Variants in OPA1 observed in about 807,000 individuals in gnomAD.
OPA1 encodes OPA1 mitochondrial dynamin like GTPase, also known as dynamin-like GTPase OPA1, mitochondrial.
Under a neutral mutation model 152.9 loss-of-function variants are expected in OPA1, and 59 were observed. The observed-to-expected ratio is 0.39, with a 90% CI of 0.31 to 0.48. OPA1 has a LOEUF of 0.48. Ranked by LOEUF, OPA1 falls within the 20% of genes least tolerant of loss-of-function variation. OPA1 has a pLI of 0.96. For missense variants in OPA1, 1,008 were observed against 1,216.8 expected (o/e 0.83, Z 2.55); for synonymous variants, 400 against 389.9 (o/e 1.03, Z -0.31).
At chr3:193,664,771 G>T in intron 26 of OPA1, 109 bp from the exon 27 acceptor site, 1 of 713,064 alleles carries the variant, frequency 1.4e-6, no homozygotes. Flanking sequence ...CCTTGCTTTT[G>T]CTTTTAATTA....
Position 193,593,367 on chromosome 3 carries a change from C to T in OPA1, c.-11C>T, listed in dbSNP as rs568049951. On this transcript the variant is annotated 5_prime_UTR_variant, in exon 1 of 31. Transcript: ENST00000361510. ...CCGTCTCGGCGCCTGCGTGACCTCC[C>T]CGCCGGCGGGATGTGGCGACTACGT... 2 of 1,546,146 alleles carry T rather than the reference C, an allele frequency of 1.3e-6. No individual in the cohort carries two copies. The highest frequency in any genetic ancestry group is 1.4e-5 in the African/African-American group (1 of 72,870).
In OPA1 at chr3:193,688,432, A is replaced by C. The variant is rs544612571; in HGVS notation, c.2984-3631A>C. Among the ~76,000 whole-genome samples the C allele has an allele frequency of 1.1e-3, 88 of 77,950 alleles. 1 individual carries two copies. Among genetic ancestry groups the C allele is most frequent in the African/African-American group, 3.4e-3 (84 of 24,924 alleles). 51.1% of individuals were successfully genotyped at this position (77,950 alleles called of 152,430 possible). ...GTAACTGTTTTGTTCCCTGATTTTT[A>C]CTGAAATGGGTCTTTTCTTTTTTTT... On this transcript the variant is annotated intron_variant, in intron 29 of 30. Coordinates refer to ENST00000361510, the MANE Select transcript of OPA1 (RefSeq NM_130837.3).
intron 11 of OPA1, among the ~76,000 whole-genome samples, chr3:193,639,967 C>T (rs1450193026): frequency 6.6e-6 from 1 of 152,088 alleles, no homozygotes; most frequent in Non-Finnish European, 1.5e-5. Flanking sequence ...TCAATGATGC[C>T]TCCAGGGTCT....
At chr3:193,689,846 C>T (rs1011470408) in intron 29 of OPA1, among the ~76,000 whole-genome samples, 12 of 152,114 alleles carry the variant, frequency 7.9e-5, no homozygotes, top group African/African-American at 2.9e-4. Context: ...AGAGAAGCAC[C>T]CGTTTGAGAT....
intron 8 of OPA1, among the ~76,000 whole-genome samples, chr3:193,633,744 G>T (rs1170278343): frequency 6.6e-6 from 1 of 151,980 alleles, no homozygotes; most frequent in Non-Finnish European, 1.5e-5. Flanking sequence ...TATGAATGAG[G>T]TATTTTACAC....
At chr3:193,658,246 C>CAA (rs10544016) in intron 23 of OPA1, among the ~76,000 whole-genome samples, 4 of 96,558 alleles carry the variant, frequency 4.1e-5, no homozygotes, top group Admixed American at 1.2e-4. Context: ...ACTCCGTTTT[C>CAA]AAAAAAAAAA....
intron 1 of OPA1, among the ~76,000 whole-genome samples, chr3:193,606,573 A>G (rs1199829944): frequency 2.2e-4 from 33 of 152,272 alleles, no homozygotes; most frequent in South Asian, 1.9e-3. Context: ...AGCTTCATCC[A>G]TGTCCCTACA....
rs775741716 is a variant in OPA1 at position 193,614,851 on chromosome 3, A to G, written c.161A>G (p.Gln54Arg). 6 of 1,614,100 alleles carry G rather than the reference A, an allele frequency of 3.7e-6. No individual in the cohort carries two copies. The highest frequency in any genetic ancestry group is 1.7e-6 in the Non-Finnish European group (2 of 1,179,908). ...HHPTLKLQRP[Q>R]LRTSFQQFSS... ...CCTACCTTAAAGCTTCAACGACCCC[A>G]ATTAAGGACATCCTTTCAGCAGTTC... Residue 54 changes from glutamine (Q) to arginine (R), a missense_variant, in exon 2 of 31, where the codon CAA becomes CGA. By Grantham distance (43) the Gln-to-Arg change is conservative. Around this residue, in one of 7 missense-constraint regions of OPA1, gnomAD observed 408 missense variants for 395.1 expected, o/e 1.03. Coordinates refer to ENST00000361510, the MANE Select transcript of OPA1 (RefSeq NM_130837.3).
intron 1 of OPA1, among the ~76,000 whole-genome samples, chr3:193,599,611 A>C (rs1390908959): frequency 6.7e-6 from 1 of 148,920 alleles, no homozygotes; most frequent in Non-Finnish European, 1.5e-5. Flanking sequence ...TGCTTCCCAC[A>C]CTCTTGCCCA....
At position 193,638,015 on chromosome 3, in the gene OPA1, C is replaced by G; in HGVS notation, c.1099C>G (p.Arg367Gly). Residue 367 changes from arginine to glycine, a missense_variant, in exon 11 of 31, where the codon CGA becomes GGA. Physicochemically the swap from Arg to Gly is moderately radical, Grantham distance 125. This residue lies in a region of OPA1 where 213 missense variants were observed against 291.4 expected (regional missense o/e 0.73). Coordinates refer to ENST00000361510, the MANE Select transcript of OPA1 (RefSeq NM_130837.3). ...TSVLEMIAQA[R>G]IFPRGSGEMM... ...TGTGTTGGAAATGATTGCCCAAGCTCGAATATTCCCAAGAGGATCTGGGGA... is the reference window on the plus strand; with the variant it reads ...TGTGTTGGAAATGATTGCCCAAGCTGGAATATTCCCAAGAGGATCTGGGGA... 1 of 1,614,048 alleles carries G rather than the reference C, an allele frequency of 6.2e-7. No individual in the cohort carries two copies. The highest frequency in any genetic ancestry group is 2.2e-5 in the East Asian group (1 of 44,882).
intron 29 of OPA1, among the ~76,000 whole-genome samples, chr3:193,675,313 T>C (rs1364620550): frequency 8.3e-6 from 1 of 119,960 alleles, no homozygotes; most frequent in East Asian, 2.3e-4. Context: ...TCAGAGGAGA[T>C]TTTTTTTTTT....
intron 29 of OPA1, 29 bp from the exon 30 acceptor site, chr3:193,692,034 A>G (rs1189314148): frequency 3.1e-6 from 4 of 1,289,104 alleles, no homozygotes; most frequent in Non-Finnish European, 4.4e-6. Context: ...TTGAAAAATA[A>G]ATGTTTTTCT....
intron 29 of OPA1, among the ~76,000 whole-genome samples, chr3:193,678,224 C>G (rs1336822466): frequency 6.6e-6 from 1 of 152,008 alleles, no homozygotes; most frequent in African/African-American, 2.4e-5. Context: ...TTAGTCTCTC[C>G]TTTTGTTGGC....
chr3:193,631,783 A>G (rs1732116231), intron 8 of OPA1, 118 bp downstream of exon 8: 1 of 813,646 alleles, frequency 1.2e-6, no homozygotes, highest in Non-Finnish European at 2.1e-6. Flanking sequence ...TAATGATAGA[A>G]CCTTATTATT....
At chr3:193,657,004 A>G (rs567997363) in intron 22 of OPA1, 76 bp from the exon 23 acceptor site, 4 of 1,285,758 alleles carry the variant, frequency 3.1e-6, no homozygotes, top group African/African-American at 1.5e-5. Flanking sequence ...GTTTGGCTTG[A>G]GCTCGTGTTA....
intron 1 of OPA1, among the ~76,000 whole-genome samples, chr3:193,600,823 T>C (rs528333609): frequency 6.6e-6 from 1 of 152,322 alleles, no homozygotes; most frequent in Admixed American, 6.5e-5. Context: ...GCAAACCAAC[T>C]GTTAGTTGCT....
chr3:193,692,276 C>T (rs992403836), intron 30 of OPA1, 144 bp downstream of exon 30: 36 of 634,590 alleles, frequency 5.7e-5, no homozygotes, highest in Non-Finnish European at 8.3e-5. Flanking sequence ...AACTAGCTTC[C>T]GAATTTCATT....
chr3:193,618,906 T>C lies in OPA1; in HGVS notation c.648T>C (p.Arg216=). 2 of 1,613,958 alleles carry C rather than the reference T, an allele frequency of 1.2e-6. No individual in the cohort carries two copies. Among genetic ancestry groups the C allele is most frequent in the Non-Finnish European group, 1.7e-6 (2 of 1,179,828 alleles). Residue 216 remains arginine, a synonymous_variant, in exon 6 of 31, where the codon CGT becomes CGC. Coordinates refer to ENST00000361510, the MANE Select transcript of OPA1 (RefSeq NM_130837.3). ...PEETAFRATD[R]GSESDKHFRK... is the part of the protein sequence containing the mutation. ...AAACGGCGTTTAGAGCAACAGATCGTGGATCTGAAAGTGACAAGCATTTTA... is the reference window on the plus strand; with the variant it reads ...AAACGGCGTTTAGAGCAACAGATCGCGGATCTGAAAGTGACAAGCATTTTA...
At chr3:193,619,854 C>A (rs1297597127) in intron 6 of OPA1, among the ~76,000 whole-genome samples, 2 of 152,108 alleles carry the variant, frequency 1.3e-5, no homozygotes, top group Non-Finnish European at 2.9e-5. Context: ...AGGTTTTCAT[C>A]TCTTTCCTTG....
Sources: gnomAD v4.1 joint callset for allele counts (sites outside exome capture counted in the v4.1 genomes callset) on GRCh38, gnomAD v4.1.1 for gene constraint, gnomAD v4.1.1 regional missense constraint, MANE v1.5 for transcripts, NCBI Gene and HGNC (gene_info 2026-07-23, HGNC 2026-07-21) for gene names.